Variants in ADAMTS7 observed in about 807,000 individuals in gnomAD.
ADAMTS7 encodes A disintegrin and metalloproteinase with thrombospondin motifs 7.
Under a neutral mutation model 172.6 loss-of-function variants are expected in ADAMTS7, and 89 were observed. The ratio of observed to expected loss-of-function variants is 0.52; its 90% CI spans 0.43 to 0.61. The LOEUF is 0.61. Ranked by LOEUF, ADAMTS7 falls within the 20% of genes least tolerant of loss-of-function variation. The pLI is 0.00. For missense variants in ADAMTS7, 1,973 were observed against 2,355.6 expected (o/e 0.84, Z 3.36); for synonymous variants, 885 against 978.4 (o/e 0.90, Z 1.78).
intron 1 of ADAMTS7, among the ~76,000 whole-genome samples, chr15:78,802,980 G>A (rs1407410828): frequency 1.3e-5 from 2 of 152,120 alleles, no homozygotes; most frequent in Non-Finnish European, 2.9e-5. Context: ...CTGGGCGACA[G>A]AGTGAGACCC....
Position 78,763,987 on chromosome 15 carries a change from G to T in ADAMTS7, c.4532C>A (p.Pro1511His). The change falls in exon 21 of 24, where the codon CCT becomes CAT. Residue 1511 changes from proline to histidine, a missense_variant. Pro to His is a moderately conservative substitution (Grantham distance 77). Around this residue, in one of 8 missense-constraint regions of ADAMTS7, gnomAD observed 218 missense variants for 216.9 expected, o/e 1.01. Transcript: ENST00000388820. ...CTGGGCCCCGCAGGGCCGGTGCGCAGGCGGCTTGGCAGGCCCGGGCTGACA... is the reference window on the plus strand; with the variant it reads ...CTGGGCCCCGCAGGGCCGGTGCGCATGCGGCTTGGCAGGCCCGGGCTGACA... ...FHCQPGPAKP[P>H]AHRPCGAQPC... 6.5e-7 allele frequency: 1 copy of T among 1,545,864 alleles called. No individual in the cohort carries two copies. The highest frequency in any genetic ancestry group is 8.7e-7 in the Non-Finnish European group (1 of 1,144,968).
At chr15:78,780,861 C>A (rs1159509250) in intron 8 of ADAMTS7, among the ~76,000 whole-genome samples, 2 of 152,232 alleles carry the variant, frequency 1.3e-5, no homozygotes, top group Non-Finnish European at 2.9e-5. Flanking sequence ...GTGGCCCTCT[C>A]CCCATTCCTA....
intron 8 of ADAMTS7, among the ~76,000 whole-genome samples, chr15:78,779,978 G>A (rs1156481272): frequency 6.8e-6 from 1 of 147,428 alleles, no homozygotes; most frequent in African/African-American, 2.5e-5. Context: ...TCAGGCCGAG[G>A]TGCTGTCTTG....
At chr15:78,762,897 G>A (rs2055071592) in intron 22 of ADAMTS7, among the ~76,000 whole-genome samples, 1 of 152,232 alleles carries the variant, frequency 6.6e-6, no homozygotes, top group Non-Finnish European at 1.5e-5. Flanking sequence ...CCCTGATGCA[G>A]CAGTGGGCAG....
chr15:78,767,655 CA>C (rs1217746442), intron 17 of ADAMTS7, 63 bp from the exon 18 acceptor site: 28 of 1,438,914 alleles, frequency 1.9e-5, no homozygotes, highest in East Asian at 5.0e-5. Flanking sequence ...GGCTCACCAG[CA>C]GGGGGGGCCA....
intron 17 of ADAMTS7, 38 bp downstream of exon 17, chr15:78,768,095 T>TGGGGGGGGGAGTTGGCGGGGGATG: frequency 1.6e-6 from 1 of 622,724 alleles, no homozygotes. Context: ...TGGCGGGGGA[T>TGGGGGGGGGAGTTGGCGGGGGATG]GGGGTGGGGA....
At chr15:78,799,586 C>A (rs948662251) in intron 2 of ADAMTS7, among the ~76,000 whole-genome samples, 9 of 147,074 alleles carry the variant, frequency 6.1e-5, no homozygotes, top group African/African-American at 2.0e-4. Context: ...CCTAAAGGGA[C>A]CTGTGAAGGA....
chr15:78,772,989 G>A, intron 14 of ADAMTS7, 94 bp downstream of exon 14: 1 of 1,438,770 alleles, frequency 7.0e-7, no homozygotes, highest in African/African-American at 1.4e-5. Context: ...GGCTGGGTGG[G>A]GGCCACGAGG....
At position 78,799,503 on chromosome 15, in the gene ADAMTS7, G is replaced by T. The variant is rs150632519; in HGVS notation, c.456+689C>A. ...CTGGAGTTCTGATTCGAGCAGAGGG[G>T]CTGAAAGGGGTTCCTCACCACACCC... On this transcript the variant is annotated intron_variant, in intron 2 of 23. Transcript: ENST00000388820. Among the ~76,000 whole-genome samples, 416 of 130,558 alleles carry T rather than the reference G, an allele frequency of 3.2e-3. 31 individuals carry two copies. Among genetic ancestry groups the T allele is most frequent in the African/African-American group, 9.9e-3 (395 of 39,738 alleles). 85.7% of individuals were successfully genotyped at this position (130,558 alleles called of 152,430 possible).
rs1045140 is a variant in ADAMTS7, at chr15:78,759,297, G to A, written c.*124C>T. The A allele has an allele frequency of 5.0e-5, 43 of 853,300 alleles. 1 individual carries two copies. In the South Asian group the frequency reaches 9.4e-4, roughly 19 times the overall value. The allele number at this position is 853,300 out of a possible 1,614,324, so 52.9% of individuals were successfully genotyped here. ...AAATACCTTTTTTGAGGGGGAGGAG[G>A]TCCCCAGCCTGCTGCTGGGTAGTGA... is the stretch of plus-strand genomic sequence containing the variant. On this transcript the variant is annotated 3_prime_UTR_variant, in exon 24 of 24. Coordinates refer to ENST00000388820, the MANE Select transcript of ADAMTS7 (RefSeq NM_014272.5).
intron 2 of ADAMTS7, among the ~76,000 whole-genome samples, chr15:78,798,371 C>T (rs1035574856): frequency 2.6e-5 from 4 of 152,192 alleles, no homozygotes; most frequent in Non-Finnish European, 5.9e-5. Context: ...GGGATGCTGC[C>T]CCACACACCC....
chr15:78,795,587 T>C (rs2055632252), intron 4 of ADAMTS7, among the ~76,000 whole-genome samples: 1 of 152,186 alleles, frequency 6.6e-6, no homozygotes, highest in Non-Finnish European at 1.5e-5. Flanking sequence ...GGTGAGGGGC[T>C]GGCAGGGGGA....
rs1028784358 is a variant in ADAMTS7, at chr15:78,771,974, G to C, written c.2132-145C>G. 5 of 1,269,080 alleles carry C rather than the reference G, an allele frequency of 3.9e-6. No individual in the cohort carries two copies. Among genetic ancestry groups the C allele is most frequent in the African/African-American group, 3.0e-5 (2 of 66,608 alleles). 78.6% of individuals were successfully genotyped at this position (1,269,080 alleles called of 1,614,324 possible). ...TGAGCTCCCTAAATTGCTCGGATCT[G>C]TCATGGGTCACCAAAACCTCGCAGA... On this transcript the variant is annotated intron_variant, in intron 14 of 23. Coordinates refer to ENST00000388820, the MANE Select transcript of ADAMTS7 (RefSeq NM_014272.5). This position sits in a 1 kb window ranked among gnomAD's most constrained non-coding sequence, Gnocchi z 4.9.
intron 8 of ADAMTS7, among the ~76,000 whole-genome samples, chr15:78,784,111 G>A (rs535742673): frequency 6.6e-6 from 1 of 152,214 alleles, no homozygotes; most frequent in Admixed American, 6.5e-5. Context: ...GCTCATGACT[G>A]TAATCCCAGA....
At position 78,800,325 on chromosome 15, in the gene ADAMTS7, C is replaced by G. The variant is rs1447143633; in HGVS notation, c.323G>C (p.Ser108Thr). 6.3e-7 allele frequency: 1 copy of G among 1,599,276 alleles called. No individual in the cohort carries two copies. Among genetic ancestry groups the G allele is most frequent in the Admixed American group, 1.7e-5 (1 of 58,184 alleles). ...CAGGCCGCCGCGCCGCCGCGTCTCG[C>G]TCACAAAGCCGGGCGCCAGCAGGTG... is the stretch of plus-strand genomic sequence containing the variant. Reference protein sequence around the residue: ...NQHLLAPGFVSETRRRGGLGR... With the variant: ...NQHLLAPGFVTETRRRGGLGR... Residue 108 changes from serine to threonine, a missense_variant, in exon 2 of 24, where the codon AGC (serine) becomes ACC (threonine). Ser to Thr is a moderately conservative substitution (Grantham distance 58). Coordinates refer to ENST00000388820, the MANE Select transcript of ADAMTS7 (RefSeq NM_014272.5).
chr15:78,802,803 C>T (rs1338823827), intron 1 of ADAMTS7, among the ~76,000 whole-genome samples: 1 of 152,102 alleles, frequency 6.6e-6, no homozygotes, highest in African/African-American at 2.4e-5. Context: ...TTGATACCAG[C>T]CTGGCCAACA....
At chr15:78,769,009 G>A (rs1225646045) in intron 16 of ADAMTS7, among the ~76,000 whole-genome samples, 3 of 152,126 alleles carry the variant, frequency 2.0e-5, no homozygotes, top group Non-Finnish European at 4.4e-5. Context: ...GTGGCTGGAG[G>A]AGCCGCTGCC....
Position 78,765,866 on chromosome 15 carries a change from C to T in ADAMTS7, c.4045G>A (p.Glu1349Lys). Reference protein sequence around the residue: ...TTLTGLGHMPEPALNPGPKGQ... With the variant: ...TTLTGLGHMPKPALNPGPKGQ... ...TTGGGTCCTGGGTTCAGGGCAGGCT[C>T]AGGCATGTGCCCGAGGCCAGTCAGG... The change falls in exon 19 of 24, where the codon GAG becomes AAG. Residue 1349 changes from glutamate to lysine, a missense_variant. Around this residue, in one of 8 missense-constraint regions of ADAMTS7, gnomAD observed 771 missense variants for 952.6 expected, o/e 0.81. Coordinates refer to ENST00000388820, the MANE Select transcript of ADAMTS7 (RefSeq NM_014272.5). 3 of 1,562,560 alleles carry T rather than the reference C, an allele frequency of 1.9e-6. No individual in the cohort carries two copies. The highest frequency in any genetic ancestry group is 2.6e-6 in the Non-Finnish European group (3 of 1,152,126).
intron 7 of ADAMTS7, among the ~76,000 whole-genome samples, chr15:78,789,051 G>T (rs919920348): frequency 6.6e-6 from 1 of 152,234 alleles, no homozygotes; most frequent in South Asian, 2.1e-4. Flanking sequence ...TGCAGGCACG[G>T]CCATCGCCTA....
Sources: allele counts gnomAD v4.1 joint callset (sites outside exome capture counted in the v4.1 genomes callset), GRCh38; gene constraint gnomAD v4.1.1; regional missense constraint gnomAD v4.1.1; non-coding constraint Gnocchi (gnomAD v3.1); transcripts MANE v1.5; gene names NCBI Gene and HGNC (gene_info 2026-07-23, HGNC 2026-07-21).